The following ARHGAP24 variants were observed in gnomAD, a reference collection of about 807,000 sequenced individuals.
ARHGAP24 encodes the protein rho GTPase-activating protein 24.
Under a neutral mutation model 76.4 loss-of-function variants are expected in ARHGAP24, and 50 were observed. That is an observed-to-expected ratio of 0.65 (90% CI 0.52 to 0.83). The LOEUF (loss-of-function observed/expected upper bound fraction) is 0.83. Ranked by LOEUF, ARHGAP24 falls within the 40% of genes least tolerant of loss-of-function variation. ARHGAP24 has a pLI of 0.00. For synonymous variants in ARHGAP24, 345 were observed against 323.3 expected, an observed-to-expected ratio of 1.07 and a Z score of -0.72; for missense variants, 930 against 914.2, an observed-to-expected ratio of 1.02 and a Z score of -0.22.
chr4:85,632,615 G>C (rs1229648619), intron 2 of ARHGAP24, among the ~76,000 whole-genome samples: 2 of 149,512 alleles, frequency 1.3e-5, no homozygotes, highest in South Asian at 4.1e-4. Flanking sequence ...ATACACAGTG[G>C]TGATTTAGAA....
At position 85,552,761 on chromosome 4, in the gene ARHGAP24, T is replaced by A. The variant is rs141262447; in HGVS notation, c.-20-17761T>A. Among the ~76,000 whole-genome samples the A allele has an allele frequency of 2.4e-3, 371 of 152,342 alleles. 3 individuals are homozygous for A. The highest frequency in any genetic ancestry group is 8.7e-3 in the African/African-American group (361 of 41,576). Reference sequence around the variant, plus strand: ...GGTATTATTGAATTGAATACTTTACTATTATGTCAGTCCCTTCTTTGTCTT... The same window carrying A: ...GGTATTATTGAATTGAATACTTTACAATTATGTCAGTCCCTTCTTTGTCTT... On this transcript the variant is annotated intron_variant, in intron 1 of 9. Transcript: ENST00000395184.
intron 3 of ARHGAP24, among the ~76,000 whole-genome samples, chr4:85,813,334 T>TG (rs1729091158): frequency 6.6e-6 from 1 of 152,092 alleles, no homozygotes; most frequent in Admixed American, 6.5e-5. Flanking sequence ...GCTATAATAA[T>TG]GGGGGGTGGA....
intron 2 of ARHGAP24, among the ~76,000 whole-genome samples, chr4:85,676,596 T>G (rs1206436194): frequency 1.3e-5 from 2 of 152,134 alleles, no homozygotes; most frequent in East Asian, 3.9e-4. Flanking sequence ...ATGTTTGTCT[T>G]GTTTCTCCTA....
chr4:85,732,622 G>A (rs182478391), intron 3 of ARHGAP24, among the ~76,000 whole-genome samples: 245 of 151,978 alleles, frequency 1.6e-3, no homozygotes, highest in African/African-American at 5.8e-3. Flanking sequence ...ATTCATTTGT[G>A]GGTTCATTTA....
chr4:85,992,411 T>A (rs1740390995), intron 8 of ARHGAP24, among the ~76,000 whole-genome samples: 2 of 152,134 alleles, frequency 1.3e-5, no homozygotes, highest in Non-Finnish European at 2.9e-5. Flanking sequence ...AAGTACACTT[T>A]GACATGGCTG....
intron 9 of ARHGAP24, among the ~76,000 whole-genome samples, chr4:85,998,251 TCTA>T (rs1200407256): frequency 6.6e-6 from 1 of 152,202 alleles, no homozygotes; most frequent in Non-Finnish European, 1.5e-5. Flanking sequence ...AATTTGAGGC[TCTA>T]CTACTAGGTG....
At chr4:85,894,096 T>A (rs1463322828) in intron 3 of ARHGAP24, among the ~76,000 whole-genome samples, 78 of 54,040 alleles carry the variant, frequency 1.4e-3, no homozygotes, top group South Asian at 2.4e-3. Flanking sequence ...ACTTAGAGTA[T>A]AATAAAAAAA....
chr4:85,724,125 G>T (rs951803133), intron 3 of ARHGAP24, among the ~76,000 whole-genome samples: 1 of 152,146 alleles, frequency 6.6e-6, no homozygotes, highest in Non-Finnish European at 1.5e-5. Flanking sequence ...TCGGCAGGCC[G>T]TGGGCCTACC....
intron 3 of ARHGAP24, among the ~76,000 whole-genome samples, chr4:85,761,716 C>T (rs147343666): frequency 8.9e-4 from 136 of 152,224 alleles, no homozygotes; most frequent in African/African-American, 3.0e-3. Context: ...ATATGTTATA[C>T]GTTTTCCGTG....
Position 85,848,781 on chromosome 4 carries a change from C to A in ARHGAP24, c.269-74867C>A, listed in dbSNP as rs144206501. ...TAGATGTGTGGTATTATTTCTGAGG[C>A]CTCTGTTCTGTTCCATTGGTCTATA... On this transcript the variant is annotated intron_variant, in intron 3 of 9. Transcript: ENST00000395184. 5.9e-5 allele frequency among the ~76,000 whole-genome samples: 9 copies of A among 152,090 alleles called. No homozygotes were observed. The South Asian group carries it at 1.9e-3, about 32-fold the overall frequency.
intron 2 of ARHGAP24, among the ~76,000 whole-genome samples, chr4:85,624,796 T>A (rs559884132): frequency 6.6e-6 from 1 of 152,332 alleles, no homozygotes; most frequent in East Asian, 1.9e-4. Flanking sequence ...CCTGGTTTAG[T>A]CTTTGGAGGA....
chr4:85,950,888 A>G (rs1399855952), intron 5 of ARHGAP24, among the ~76,000 whole-genome samples: 2 of 151,994 alleles, frequency 1.3e-5, no homozygotes, highest in Non-Finnish European at 2.9e-5. Context: ...CATGTTGGCT[A>G]GGCTGGTCTT....
At chr4:85,621,021 A>T (rs1720699517) in intron 2 of ARHGAP24, among the ~76,000 whole-genome samples, 1 of 152,110 alleles carries the variant, frequency 6.6e-6, no homozygotes, top group Admixed American at 6.6e-5. Context: ...TGTAAGTGGG[A>T]ACATGCAGTA....
chr4:85,850,856 A>G (rs1003168357), intron 3 of ARHGAP24, among the ~76,000 whole-genome samples: 3 of 152,134 alleles, frequency 2.0e-5, no homozygotes, highest in African/African-American at 7.2e-5. Context: ...GCTGAGAAGT[A>G]CTTTACTTCA....
intron 3 of ARHGAP24, among the ~76,000 whole-genome samples, chr4:85,804,534 A>G (rs1728711833): frequency 6.6e-6 from 1 of 152,214 alleles, no homozygotes; most frequent in Admixed American, 6.5e-5. Flanking sequence ...CAGTATATAA[A>G]TGAGCATGGC....
chr4:85,885,145 G>A (rs920156629), intron 3 of ARHGAP24, among the ~76,000 whole-genome samples: 1 of 152,170 alleles, frequency 6.6e-6, no homozygotes. Context: ...GGCATTTTAG[G>A]ATTTAGTTTC....
intron 2 of ARHGAP24, among the ~76,000 whole-genome samples, chr4:85,587,012 C>G (rs1247491509): frequency 6.6e-6 from 1 of 152,138 alleles, no homozygotes; most frequent in African/African-American, 2.4e-5. Context: ...CTGCTATAAG[C>G]ACTGTAACTA....
intron 2 of ARHGAP24, among the ~76,000 whole-genome samples, chr4:85,626,284 A>G (rs1720950959): frequency 6.6e-6 from 1 of 152,042 alleles, no homozygotes; most frequent in African/African-American, 2.4e-5. Flanking sequence ...AAAATCTCTC[A>G]GCATTTGCTT....
intron 2 of ARHGAP24, among the ~76,000 whole-genome samples, chr4:85,587,127 T>C (rs1164158305): frequency 1.3e-5 from 2 of 152,218 alleles, no homozygotes; most frequent in Non-Finnish European, 2.9e-5. Flanking sequence ...TCTATAAGTA[T>C]CTATGTTACT....
Sources: gnomAD v4.1 joint callset for allele counts (sites outside exome capture counted in the v4.1 genomes callset) on GRCh38, gnomAD v4.1.1 for gene constraint, MANE v1.5 for transcripts, NCBI Gene and HGNC (gene_info 2026-07-23, HGNC 2026-07-21) for gene names.